The following RYR2 variants were observed in gnomAD, a reference collection of about 807,000 sequenced individuals.
RYR2 encodes the protein cardiac muscle ryanodine receptor-calcium release channel.
RYR2 carries 227 observed loss-of-function variants against 601.1 expected under a neutral mutation model. That is an observed-to-expected ratio of 0.38 (90% CI 0.34 to 0.42). The LOEUF is 0.42. Among genes scored for constraint, RYR2 ranks in the 10% least tolerant of loss-of-function variants. The probability of loss-of-function intolerance (pLI) is 1.00; values close to 1 mark genes in which losing one functional copy is unlikely to be tolerated. For synonymous variants in RYR2, 2,223 were observed against 2,175.1 expected (o/e 1.02, Z -0.61); for missense variants, 4,646 against 6,156.5 (o/e 0.75, Z 8.21).
intron 71 of RYR2, 47 bp from the exon 72 acceptor site, chr1:237,717,151 T>A: frequency 6.4e-7 from 1 of 1,569,948 alleles, no homozygotes; most frequent in Non-Finnish European, 8.7e-7. Flanking sequence ...TGGTTCTACA[T>A]GTGAGAAAAG....
At chr1:237,385,916 A>G (rs1701925193) in intron 8 of RYR2, among the ~76,000 whole-genome samples, 1 of 152,368 alleles carries the variant, frequency 6.6e-6, no homozygotes, top group East Asian at 1.9e-4. Flanking sequence ...TCACTGTGTG[A>G]TAATTGCTTT....
chr1:237,459,538 G>C (rs1659228516), intron 16 of RYR2, among the ~76,000 whole-genome samples: 1 of 152,120 alleles, frequency 6.6e-6, no homozygotes, highest in Non-Finnish European at 1.5e-5. Flanking sequence ...TCTTTTTATA[G>C]TCTCTGTTCA....
intron 100 of RYR2, among the ~76,000 whole-genome samples, chr1:237,816,829 C>T (rs1661895592): frequency 6.6e-6 from 1 of 152,122 alleles, no homozygotes; most frequent in African/African-American, 2.4e-5. Flanking sequence ...TTAGCAGTTT[C>T]AAGCACCAAG....
intron 3 of RYR2, chr1:237,352,776 A>C (rs1447847233): frequency 4.3e-6 from 2 of 466,068 alleles, no homozygotes; most frequent in African/African-American, 2.0e-5. Flanking sequence ...AGATCTGTAC[A>C]TTTGTGTCTT....
At chr1:237,809,683 AT>A (rs1661050630) in intron 100 of RYR2, among the ~76,000 whole-genome samples, 1 of 152,154 alleles carries the variant, frequency 6.6e-6, no homozygotes, top group African/African-American at 2.4e-5. Flanking sequence ...CCTCACGAAA[AT>A]ACCTACATCA....
intron 62 of RYR2, 78 bp from the exon 63 acceptor site, chr1:237,687,377 T>TTATTTTCCCC: frequency 1.6e-6 from 1 of 639,692 alleles, no homozygotes; most frequent in Non-Finnish European, 2.6e-6. Context: ...TTTTTTTTTT[T>TTATTTTCCCC]TTTTTTTAAT....
At chr1:237,184,696 A>G (rs1305253366) in intron 1 of RYR2, among the ~76,000 whole-genome samples, 2 of 152,214 alleles carry the variant, frequency 1.3e-5, no homozygotes, top group Non-Finnish European at 2.9e-5. Flanking sequence ...GGAGGTCCAC[A>G]GCTTTGTGTT....
intron 10 of RYR2, among the ~76,000 whole-genome samples, chr1:237,409,416 T>G (rs529207749): frequency 6.6e-6 from 1 of 152,152 alleles, no homozygotes; most frequent in Non-Finnish European, 1.5e-5. Flanking sequence ...ATTGATATGA[T>G]CAATGATTTT....
At chr1:237,628,488 G>A (rs1003996501) in intron 41 of RYR2, among the ~76,000 whole-genome samples, 4 of 150,336 alleles carry the variant, frequency 2.7e-5, no homozygotes, top group Admixed American at 2.7e-4. Flanking sequence ...TTTTGTTCTT[G>A]CGATAGTTTA....
chr1:237,809,118 C>T (rs1660979998), intron 100 of RYR2, 83 bp downstream of exon 100: 1 of 1,255,560 alleles, frequency 8.0e-7, no homozygotes, highest in Non-Finnish European at 1.1e-6. Flanking sequence ...TATTCTCTAA[C>T]AGTACAAAAT....
At chr1:237,795,227 G>T (rs1046623696) in intron 95 of RYR2, 62 bp from the exon 96 acceptor site, 10 of 771,782 alleles carry the variant, frequency 1.3e-5, no homozygotes, top group South Asian at 1.9e-5. Flanking sequence ...TATCCCAAAT[G>T]ATATGTTATT....
intron 10 of RYR2, among the ~76,000 whole-genome samples, chr1:237,406,122 G>C (rs780624099): frequency 7.9e-6 from 1 of 127,176 alleles, no homozygotes; most frequent in Non-Finnish European, 1.7e-5. Flanking sequence ...AGCTCTTCTT[G>C]ACAATTTATG....
At position 237,566,723 on chromosome 1, in the gene RYR2, C is replaced by T. The variant is rs779640835; in HGVS notation, c.3371C>T (p.Pro1124Leu). The change falls in exon 28 of 105, where the codon CCG (proline) becomes CTG (leucine). Residue 1124 changes from proline to leucine, a missense_variant. Physicochemically the swap from Pro to Leu is moderately conservative, Grantham distance 98 (BLOSUM62 -3). Around this residue, in one of 17 missense-constraint regions of RYR2, gnomAD observed 1,807 missense variants for 2,088.1 expected, o/e 0.87. Transcript: ENST00000366574. ...RVGWSRPGCQ[P>L]DQELGSDERA... The stretch of plus-strand genomic sequence containing the variant: ...GGTTGGAGTCGTCCTGGTTGTCAAC[C>T]GGATCAGGAGCTTGGCTCAGATGAA... The T allele has an allele frequency of 2.1e-5, 34 of 1,613,798 alleles. No homozygotes were observed. Among genetic ancestry groups the T allele is most frequent in the Admixed American group, 3.3e-5 (2 of 60,002 alleles).
At chr1:237,370,661 A>ATTT (rs141088160) in intron 6 of RYR2, among the ~76,000 whole-genome samples, 76 of 133,642 alleles carry the variant, frequency 5.7e-4, no homozygotes, top group African/African-American at 9.4e-4. Flanking sequence ...GTTTCATTCC[A>ATTT]TTTTTTTTTT....
chr1:237,730,322 A>G lies in RYR2; in HGVS notation c.10901A>G (p.His3634Arg). The G allele has an allele frequency of 6.2e-7, 1 of 1,601,958 alleles. No homozygotes were observed. Among genetic ancestry groups the G allele is most frequent in the Non-Finnish European group, 8.6e-7 (1 of 1,169,168 alleles). ...AAGTCTTGGATTGAAACAGAAGAAC[A>G]TTACTTTGAAGATAAACTGATAGAA... ...YEKSWIETEE[H>R]YFEDKLIEDL... Residue 3634 changes from histidine to arginine, a missense_variant, in exon 77 of 105, where the codon CAT becomes CGT. By Grantham distance (29) the His-to-Arg change is conservative. Coordinates refer to ENST00000366574, the MANE Select transcript of RYR2 (RefSeq NM_001035.3).
intron 14 of RYR2, among the ~76,000 whole-genome samples, chr1:237,448,994 G>T (rs1657732603): frequency 6.6e-6 from 1 of 151,978 alleles, no homozygotes; most frequent in African/African-American, 2.4e-5. Flanking sequence ...GTAGGCTTAA[G>T]TCTGTCTTCT....
intron 16 of RYR2, among the ~76,000 whole-genome samples, chr1:237,457,966 C>G (rs1210676671): frequency 1.3e-5 from 2 of 152,148 alleles, no homozygotes; most frequent in African/African-American, 4.8e-5. Flanking sequence ...CCAGTTAACC[C>G]TTCCAGCCTT....
chr1:237,574,885 C>T (rs1023228124), intron 29 of RYR2, among the ~76,000 whole-genome samples: 1 of 152,152 alleles, frequency 6.6e-6, no homozygotes, highest in Admixed American at 6.6e-5. Context: ...AGCAGAGAAC[C>T]CAGCCCTACC....
chr1:237,619,928 A>G (rs1678899559), intron 38 of RYR2, among the ~76,000 whole-genome samples: 1 of 152,194 alleles, frequency 6.6e-6, no homozygotes, highest in Admixed American at 6.5e-5. Flanking sequence ...ATTTGACTAC[A>G]GCAGACCTAC....
Sources: allele counts gnomAD v4.1 joint callset (sites outside exome capture counted in the v4.1 genomes callset), GRCh38; gene constraint gnomAD v4.1.1; regional missense constraint gnomAD v4.1.1; transcripts MANE v1.5; gene names NCBI Gene and HGNC (gene_info 2026-07-23, HGNC 2026-07-21).